DLGAP1: variants seen among roughly 807,000 people sequenced by gnomAD.
DLGAP1 encodes DLG associated protein 1.
A neutral mutation model predicts 90.8 loss-of-function variants in DLGAP1; 11 were observed. The ratio of observed to expected loss-of-function variants is 0.12; its 90% CI spans 0.08 to 0.20. DLGAP1 has a LOEUF of 0.20. DLGAP1 is among the 10% of genes least tolerant of loss of function. DLGAP1 has a pLI of 1.00. For synonymous variants in DLGAP1, 558 were observed against 540.7 expected (o/e 1.03, Z -0.44); for missense variants, 1,050 against 1,333.8 (o/e 0.79, Z 3.31).
intron 1 of DLGAP1, among the ~76,000 whole-genome samples, chr18:4,307,841 G>A (rs528575311): frequency 4.6e-5 from 7 of 151,000 alleles, no homozygotes; most frequent in Middle Eastern, 3.5e-3. Flanking sequence ...TCAGCCTCTC[G>A]AGTTGCTGGA....
chr18:4,328,833 T>C (rs2080884199), intron 1 of DLGAP1, among the ~76,000 whole-genome samples: 1 of 152,018 alleles, frequency 6.6e-6, no homozygotes, highest in Admixed American at 6.6e-5. Flanking sequence ...TTGGCATTCA[T>C]TTACCTTCTC....
At chr18:4,248,897 G>A (rs1568470792) in intron 1 of DLGAP1, among the ~76,000 whole-genome samples, 1 of 152,102 alleles carries the variant, frequency 6.6e-6, no homozygotes, top group Non-Finnish European at 1.5e-5. Flanking sequence ...ACTGCTTCAG[G>A]GCACTGGTTC....
chr18:3,953,619 C>T (rs1371615641), intron 3 of DLGAP1, among the ~76,000 whole-genome samples: 1 of 152,062 alleles, frequency 6.6e-6, no homozygotes, highest in Non-Finnish European at 1.5e-5. Flanking sequence ...CATATCTTTG[C>T]TATTGTGATT....
intron 4 of DLGAP1, among the ~76,000 whole-genome samples, chr18:3,833,660 A>T (rs2068193563): frequency 6.6e-6 from 1 of 152,230 alleles, no homozygotes; most frequent in South Asian, 2.1e-4. Flanking sequence ...AGAGATTTCT[A>T]GCACGTGTGA....
chr18:3,607,698 A>G (rs2057388044), intron 7 of DLGAP1: 1 of 152,136 alleles, frequency 6.6e-6, no homozygotes, highest in Non-Finnish European at 1.5e-5. Flanking sequence ...ATCCTTTTGC[A>G]TGCCTTTACG....
chr18:3,657,750 C>A (rs1333361898), intron 7 of DLGAP1, among the ~76,000 whole-genome samples: 3 of 152,040 alleles, frequency 2.0e-5, no homozygotes, highest in Non-Finnish European at 2.9e-5. Flanking sequence ...CTACAGGCGC[C>A]CGCCACCGCA....
At chr18:4,262,654 G>A (rs138218578) in intron 1 of DLGAP1, among the ~76,000 whole-genome samples, 103 of 152,276 alleles carry the variant, frequency 6.8e-4, no homozygotes, top group Non-Finnish European at 1.3e-3. Context: ...CAACATCCAG[G>A]TGCTACGTGG....
chr18:4,253,658 C>T (rs1391066750), intron 1 of DLGAP1, among the ~76,000 whole-genome samples: 1 of 152,156 alleles, frequency 6.6e-6, no homozygotes, highest in East Asian at 1.9e-4. Context: ...GATTCACCTG[C>T]CTCATCCTCC....
At chr18:3,822,982 G>C (rs902029744) in intron 4 of DLGAP1, among the ~76,000 whole-genome samples, 1 of 152,122 alleles carries the variant, frequency 6.6e-6, no homozygotes, top group Non-Finnish European at 1.5e-5. Context: ...AAGATATTAA[G>C]ATTCTAGTAT....
chr18:4,375,616 T>C (rs548615589), intron 1 of DLGAP1, among the ~76,000 whole-genome samples: 20 of 152,268 alleles, frequency 1.3e-4, no homozygotes, highest in African/African-American at 4.3e-4. Flanking sequence ...CTAGATTGAT[T>C]TGATTTCAAC....
At chr18:4,239,573 A>G (rs1367310669) in intron 1 of DLGAP1, among the ~76,000 whole-genome samples, 1 of 152,152 alleles carries the variant, frequency 6.6e-6, no homozygotes, top group East Asian at 1.9e-4. Context: ...ATACTGCTTT[A>G]AAAAATAGTC....
intron 1 of DLGAP1, among the ~76,000 whole-genome samples, chr18:4,212,705 T>C (rs1598631920): frequency 6.6e-6 from 1 of 151,978 alleles, no homozygotes; most frequent in East Asian, 1.9e-4. Context: ...TTAATTGGTA[T>C]ACTTTTCATA....
intron 3 of DLGAP1, among the ~76,000 whole-genome samples, chr18:3,979,799 C>A (rs945929184): frequency 6.6e-6 from 1 of 152,200 alleles, no homozygotes; most frequent in Non-Finnish European, 1.5e-5. Flanking sequence ...CAAAACATCA[C>A]ACTGTACCCC....
At chr18:3,963,266 T>C (rs368820674) in intron 3 of DLGAP1, among the ~76,000 whole-genome samples, 2 of 55,186 alleles carry the variant, frequency 3.6e-5, no homozygotes, top group East Asian at 8.0e-4. Context: ...AAGGCTCCAT[T>C]TCATTGCCCC....
intron 1 of DLGAP1, among the ~76,000 whole-genome samples, chr18:4,322,354 T>C (rs902299390): frequency 6.6e-6 from 1 of 151,898 alleles, no homozygotes; most frequent in Non-Finnish European, 1.5e-5. Flanking sequence ...TACAGTTAAT[T>C]GCTTTCCAAC....
At chr18:4,351,324 T>C (rs2081397909) in intron 1 of DLGAP1, among the ~76,000 whole-genome samples, 1 of 152,184 alleles carries the variant, frequency 6.6e-6, no homozygotes, top group East Asian at 1.9e-4. Flanking sequence ...AGCAGAAAAT[T>C]AAGCGCAACA....
chr18:4,257,907 G>C (rs1238443703), intron 1 of DLGAP1, among the ~76,000 whole-genome samples: 1 of 152,044 alleles, frequency 6.6e-6, no homozygotes, highest in East Asian at 1.9e-4. Context: ...TTACAGGCGT[G>C]AGCTACTCCG....
intron 1 of DLGAP1, among the ~76,000 whole-genome samples, chr18:4,246,051 C>T (rs931826079): frequency 3.3e-5 from 5 of 152,290 alleles, no homozygotes; most frequent in Admixed American, 6.5e-5. Context: ...CTTCCCTATA[C>T]GTCTTCATCT....
At chr18:4,223,817 G>GAAGT (rs994423863) in intron 1 of DLGAP1, among the ~76,000 whole-genome samples, 2 of 152,122 alleles carry the variant, frequency 1.3e-5, no homozygotes, top group Non-Finnish European at 1.5e-5. Flanking sequence ...AGAGAACAGA[G>GAAGT]AAGTAGTCCA....
Sources: allele counts gnomAD v4.1 joint callset (sites outside exome capture counted in the v4.1 genomes callset), GRCh38; gene constraint gnomAD v4.1.1; transcripts MANE v1.5; gene names NCBI Gene and HGNC (gene_info 2026-07-23, HGNC 2026-07-21).